The following TCF12 variants were observed in gnomAD, a reference collection of about 807,000 sequenced individuals.
TCF12 encodes the protein DNA-binding protein HTF4.
In TCF12, 45 loss-of-function variants were observed where a neutral mutation model predicts 86.0. That is an observed-to-expected ratio of 0.52 (90% confidence interval 0.41 to 0.67). The LOEUF (loss-of-function observed/expected upper bound fraction) is 0.67. TCF12 is among the 30% of genes least tolerant of loss of function. TCF12 has a pLI of 0.00. For missense variants in TCF12, 881 were observed against 859.9 expected (o/e 1.02, Z -0.31); for synonymous variants, 330 against 299.6 (o/e 1.10, Z -1.05).
At chr15:57,282,737 G>GT in intron 20 of TCF12, 139 bp downstream of exon 20, 1 of 1,118,534 alleles carries the variant, frequency 8.9e-7, no homozygotes, top group Non-Finnish European at 1.2e-6. Flanking sequence ...ATAACAGTTT[G>GT]TCTTTCTGTT....
intron 19 of TCF12, among the ~76,000 whole-genome samples, chr15:57,275,170 G>A (rs778492619): frequency 9.9e-5 from 15 of 152,190 alleles, no homozygotes; most frequent in Non-Finnish European, 1.9e-4. Flanking sequence ...CTCTTTGACT[G>A]ATGAGAGTTT....
At chr15:57,131,292 G>A (rs1351838535) in intron 5 of TCF12, among the ~76,000 whole-genome samples, 1 of 152,150 alleles carries the variant, frequency 6.6e-6, no homozygotes, top group Non-Finnish European at 1.5e-5. Context: ...TCTGGTGAAT[G>A]GGTGTAATCT....
intron 3 of TCF12, among the ~76,000 whole-genome samples, chr15:56,961,331 G>C (rs1339495468): frequency 2.0e-5 from 3 of 151,958 alleles, no homozygotes; most frequent in South Asian, 2.1e-4. Context: ...AAACATCTTA[G>C]AAAAAATACC....
At chr15:56,942,308 A>C (rs763928177) in intron 3 of TCF12, among the ~76,000 whole-genome samples, 1 of 152,228 alleles carries the variant, frequency 6.6e-6, no homozygotes, top group Non-Finnish European at 1.5e-5. Flanking sequence ...CTTTTTGGTG[A>C]AGATACTGAA....
At chr15:57,215,397 A>G (rs1355366043) in intron 8 of TCF12, among the ~76,000 whole-genome samples, 3 of 152,132 alleles carry the variant, frequency 2.0e-5, no homozygotes, top group East Asian at 1.9e-4. Context: ...CTTGCAGCCA[A>G]TAATTTATTA....
chr15:56,967,644 A>G (rs1465519112), intron 3 of TCF12, among the ~76,000 whole-genome samples: 2 of 152,188 alleles, frequency 1.3e-5, no homozygotes, highest in Admixed American at 6.5e-5. Flanking sequence ...AAAGGAGAGA[A>G]AGTAGAGGAT....
chr15:57,073,945 T>A (rs2069641542), intron 4 of TCF12, among the ~76,000 whole-genome samples: 1 of 151,936 alleles, frequency 6.6e-6, no homozygotes, highest in South Asian at 2.1e-4. Context: ...AGAGACAGGG[T>A]TTCACCGTGT....
intron 14 of TCF12, 84 bp downstream of exon 14, chr15:57,251,507 A>G (rs2060116837): frequency 2.3e-6 from 3 of 1,317,256 alleles, no homozygotes; most frequent in Non-Finnish European, 3.2e-6. Flanking sequence ...ATAAAGAAAC[A>G]GTAGGCTAGC....
At chr15:57,017,773 T>C (rs1477806038) in intron 3 of TCF12, among the ~76,000 whole-genome samples, 3 of 151,856 alleles carry the variant, frequency 2.0e-5, no homozygotes, top group African/African-American at 7.2e-5. Flanking sequence ...CTTTAGATTT[T>C]AAAAAGTCAT....
At chr15:57,084,877 A>C (rs965750376) in intron 4 of TCF12, among the ~76,000 whole-genome samples, 3 of 152,248 alleles carry the variant, frequency 2.0e-5, no homozygotes, top group East Asian at 3.9e-4. Flanking sequence ...TTACAGGTAT[A>C]AAGTTAGTAC....
At chr15:57,023,404 C>T (rs1050457171) in intron 3 of TCF12, among the ~76,000 whole-genome samples, 1 of 151,892 alleles carries the variant, frequency 6.6e-6, no homozygotes. Context: ...GAGTAACCAC[C>T]CCTCCCCATT....
At chr15:57,219,720 CTTTT>C (rs11395092) in intron 8 of TCF12, 2,487 of 293,840 alleles carry the variant, frequency 8.5e-3, no homozygotes, top group South Asian at 0.013. Flanking sequence ...TTGTAGATTT[CTTTT>C]TTTTTTTTTT....
At chr15:57,177,403 C>T (rs1277284499) in intron 6 of TCF12, among the ~76,000 whole-genome samples, 1 of 151,252 alleles carries the variant, frequency 6.6e-6, no homozygotes, top group Non-Finnish European at 1.5e-5. Flanking sequence ...CTGAGTAGCT[C>T]GGATTACAGG....
intron 6 of TCF12, among the ~76,000 whole-genome samples, chr15:57,170,768 T>C (rs1302511612): frequency 7.4e-5 from 1 of 13,560 alleles, no homozygotes; most frequent in African/African-American, 2.8e-4. Flanking sequence ...ATTATATATA[T>C]ATTATATATA....
At chr15:56,933,094 T>A (rs373748626) in intron 3 of TCF12, among the ~76,000 whole-genome samples, 1 of 152,186 alleles carries the variant, frequency 6.6e-6, no homozygotes, top group Non-Finnish European at 1.5e-5. Flanking sequence ...ACCATTTAGT[T>A]GAGGTCAGAG....
At chr15:56,933,844 A>G (rs774519358) in intron 3 of TCF12, among the ~76,000 whole-genome samples, 31 of 152,074 alleles carry the variant, frequency 2.0e-4, no homozygotes, top group Non-Finnish European at 3.7e-4. Flanking sequence ...GGTGACTGAG[A>G]GGAACACTAG....
chr15:57,105,926 A>T (rs1428160145), intron 5 of TCF12, among the ~76,000 whole-genome samples: 9 of 152,342 alleles, frequency 5.9e-5, no homozygotes, highest in African/African-American at 2.2e-4. Flanking sequence ...AAAGTGGTTG[A>T]TTACTGTCAG....
At chr15:57,209,629 C>T (rs1195479479) in intron 8 of TCF12, among the ~76,000 whole-genome samples, 1 of 152,178 alleles carries the variant, frequency 6.6e-6, no homozygotes, top group African/African-American at 2.4e-5. Context: ...TAAATTATGG[C>T]AACAGCTTTA....
chr15:56,929,416 G>C (rs1178543985), intron 3 of TCF12, among the ~76,000 whole-genome samples: 1 of 152,086 alleles, frequency 6.6e-6, no homozygotes, highest in Non-Finnish European at 1.5e-5. Flanking sequence ...TTTCCAGCCA[G>C]ATCATTCTGT....
Sources: gnomAD v4.1 joint callset for allele counts (sites outside exome capture counted in the v4.1 genomes callset) on GRCh38, gnomAD v4.1.1 for gene constraint, MANE v1.5 for transcripts, NCBI Gene and HGNC (gene_info 2026-07-23, HGNC 2026-07-21) for gene names.